Variants in CTXND2 observed in about 807,000 individuals in gnomAD.
CTXND2 encodes the protein cortexin domain containing 2.
intron 1 of CTXND2, among the ~76,000 whole-genome samples, chr1:150,892,686 C>G (rs1668868645): frequency 6.6e-6 from 1 of 151,820 alleles, no homozygotes; most frequent in Non-Finnish European, 1.5e-5. Flanking sequence ...CTACAGGTGC[C>G]CACCACCAGG....
At chr1:150,898,164 T>TC (rs397788935) in intron 1 of CTXND2, among the ~76,000 whole-genome samples, 1 of 151,722 alleles carries the variant, frequency 6.6e-6, no homozygotes, top group Non-Finnish European at 1.5e-5. Flanking sequence ...TTTTTTTTTT[T>TC]GTCTTTCTAG....
chr1:150,900,227 C>T (rs11204741), intron 1 of CTXND2, among the ~76,000 whole-genome samples: 3 of 151,956 alleles, frequency 2.0e-5, no homozygotes, highest in Admixed American at 6.6e-5. Flanking sequence ...AGCTTCACTC[C>T]TGAAGTCAGT....
At chr1:150,906,068 G>A (rs1021994275) in intron 1 of CTXND2, among the ~76,000 whole-genome samples, 1 of 152,030 alleles carries the variant, frequency 6.6e-6, no homozygotes, top group Non-Finnish European at 1.5e-5. Flanking sequence ...AGCTGAGGTG[G>A]GCAGAGGGTT....
chr1:150,901,462 G>A (rs1669029881), intron 1 of CTXND2, among the ~76,000 whole-genome samples: 1 of 152,152 alleles, frequency 6.6e-6, no homozygotes, highest in African/African-American at 2.4e-5. Context: ...AATGAAGAAA[G>A]GTGGGGTGCT....
intron 1 of CTXND2, among the ~76,000 whole-genome samples, chr1:150,895,353 T>A (rs774929177): frequency 6.6e-5 from 10 of 152,022 alleles, no homozygotes; most frequent in Non-Finnish European, 1.3e-4. Flanking sequence ...TTTCTTTTTT[T>A]AATTTTGTGT....
intron 1 of CTXND2, among the ~76,000 whole-genome samples, chr1:150,902,452 C>T (rs1571602795): frequency 1.3e-5 from 2 of 151,790 alleles, no homozygotes; most frequent in African/African-American, 4.8e-5. Context: ...CCTGTAATCT[C>T]AGCTACTTGG....
At chr1:150,889,768 G>C (rs1214096621) in intron 1 of CTXND2, among the ~76,000 whole-genome samples, 1 of 151,932 alleles carries the variant, frequency 6.6e-6, no homozygotes, top group Non-Finnish European at 1.5e-5. Context: ...ATGAACTGTT[G>C]TATGCACTAT....
chr1:150,903,147 G>A (rs982292998), intron 1 of CTXND2, among the ~76,000 whole-genome samples: 3 of 151,994 alleles, frequency 2.0e-5, no homozygotes, highest in Non-Finnish European at 1.5e-5. Flanking sequence ...AACCTGATGC[G>A]TCTGTTCTGC....
At chr1:150,910,618 T>G (rs587615158) in intron 1 of CTXND2, among the ~76,000 whole-genome samples, 175 of 151,536 alleles carry the variant, frequency 1.2e-3, no homozygotes, top group African/African-American at 4.0e-3. Context: ...TGGGTTTATT[T>G]CTGGACTCTC....
intron 1 of CTXND2, among the ~76,000 whole-genome samples, chr1:150,890,888 G>A (rs1172866070): frequency 6.6e-6 from 1 of 152,160 alleles, no homozygotes; most frequent in Non-Finnish European, 1.5e-5. Context: ...AAGCTTCAAT[G>A]CTTCCTGTCT....
chr1:150,894,427 C>T (rs980845240), intron 1 of CTXND2, among the ~76,000 whole-genome samples: 2 of 152,156 alleles, frequency 1.3e-5, no homozygotes, highest in African/African-American at 4.8e-5. Flanking sequence ...TATATCTTCA[C>T]TGATTTTTGC....
chr1:150,904,134 A>G (rs1669094762), intron 1 of CTXND2: 2 of 660,818 alleles, frequency 3.0e-6, no homozygotes, highest in African/African-American at 1.8e-5. Flanking sequence ...CCTGGAACAA[A>G]AATGATCTTT....
At chr1:150,900,890 G>C (rs1173391972) in intron 1 of CTXND2, among the ~76,000 whole-genome samples, 2 of 152,190 alleles carry the variant, frequency 1.3e-5, no homozygotes, top group Non-Finnish European at 2.9e-5. Context: ...CAAAGTGGGA[G>C]GATCACTTAA....
At chr1:150,892,790 C>T (rs78772871) in intron 1 of CTXND2, among the ~76,000 whole-genome samples, 1,649 of 152,190 alleles carry the variant, frequency 0.011, 17 homozygotes, top group African/African-American at 0.037. Context: ...CTGTCAGCCT[C>T]AACCTCCCAA....
intron 1 of CTXND2, among the ~76,000 whole-genome samples, chr1:150,910,124 TTTTTTTTTC>T (rs1236459821): frequency 6.0e-5 from 9 of 149,858 alleles, no homozygotes; most frequent in Admixed American, 2.6e-4. Context: ...TTTTCTGTTT[TTTTTTTTTC>T]TTTTTTTTTT....
chr1:150,900,293 C>G (rs1387176920), intron 1 of CTXND2, among the ~76,000 whole-genome samples: 1 of 151,584 alleles, frequency 6.6e-6, no homozygotes, highest in Non-Finnish European at 1.5e-5. Context: ...CCTTTAAGAG[C>G]TGTAACACTC....
chr1:150,889,812 A>G (rs1024572525), intron 1 of CTXND2, among the ~76,000 whole-genome samples: 1 of 152,074 alleles, frequency 6.6e-6, no homozygotes, highest in Non-Finnish European at 1.5e-5. Context: ...ATATTAATTC[A>G]TTCATGTAGA....
chr1:150,908,541 C>T (rs1438553635), intron 1 of CTXND2, among the ~76,000 whole-genome samples: 2 of 152,088 alleles, frequency 1.3e-5, no homozygotes, highest in Non-Finnish European at 2.9e-5. Flanking sequence ...TGTTTATTGG[C>T]CATTTGCATA....
intron 1 of CTXND2, among the ~76,000 whole-genome samples, chr1:150,900,700 A>G (rs910492217): frequency 1.3e-5 from 2 of 152,296 alleles, no homozygotes; most frequent in Admixed American, 1.3e-4. Flanking sequence ...TTTGCAATAT[A>G]TATTATATAT....
Sources: gnomAD v4.1 joint callset for allele counts (sites outside exome capture counted in the v4.1 genomes callset) on GRCh38, gnomAD v4.1.1 for gene constraint, MANE v1.5 for transcripts, NCBI Gene and HGNC (gene_info 2026-07-23, HGNC 2026-07-21) for gene names.